Variants in ETFB observed in about 807,000 individuals in gnomAD.
ETFB encodes the protein electron transfer flavoprotein subunit beta.
Under a neutral mutation model 25.6 loss-of-function variants are expected in ETFB, and 20 were observed. That is an observed-to-expected ratio of 0.78 (90% CI 0.55 to 1.14). The LOEUF is 1.14. Ranked by LOEUF, ETFB falls within the 50% of genes most tolerant of loss-of-function variation. The probability of loss-of-function intolerance (pLI) is 0.00; values close to 1 mark genes in which losing one functional copy is unlikely to be tolerated. For missense variants in ETFB, 286 were observed against 342.6 expected (o/e 0.83, Z 1.30); for synonymous variants, 142 against 146.7 (o/e 0.97, Z 0.23).
chr19:51,360,536 C>A (rs1002370930), intron 1 of ETFB, among the ~76,000 whole-genome samples: 2 of 152,110 alleles, frequency 1.3e-5, no homozygotes, highest in African/African-American at 4.8e-5. Context: ...ACTGCCATTA[C>A]CTCTCATTTT....
intron 1 of ETFB, chr19:51,354,751 G>A: frequency 1.6e-6 from 2 of 1,266,660 alleles, no homozygotes; most frequent in Non-Finnish European, 2.2e-6. Flanking sequence ...GTCCTCAGAG[G>A]AGCAGCCTGC....
rs1170908973 is a variant in ETFB, at chr19:51,345,224, A to G, written c.755T>C (p.Ile252Thr). The G allele has an allele frequency of 1.2e-6, 2 of 1,614,066 alleles. No homozygotes were observed. Among genetic ancestry groups the G allele is most frequent in the African/African-American group, 1.3e-5 (1 of 74,918 alleles). Residue 252 changes from isoleucine (I) to threonine (T), a missense_variant, in exon 6 of 6, where the codon ATT (isoleucine) becomes ACT (threonine). By Grantham distance (89) the Ile-to-Thr change is moderately conservative (BLOSUM62 -1). Coordinates refer to ENST00000309244, the MANE Select transcript of ETFB (RefSeq NM_001985.3). ...TEDLVAKLKEIGRI is the reference protein window; with the variant it reads ...TEDLVAKLKETGRI ...TCTGGGAGGGGCTCAAATCCGCCCA[A>G]TCTCCTTCAGCTTGGCCACCAGGTC...
intron 4 of ETFB, chr19:51,347,825 GCA>G (rs1332297465): frequency 6.6e-6 from 1 of 152,242 alleles, no homozygotes; most frequent in Non-Finnish European, 1.5e-5. Context: ...GACCAGTGAA[GCA>G]CCAGCTTGGG....
chr19:51,350,866 T>C (rs987276579), intron 3 of ETFB, among the ~76,000 whole-genome samples: 5 of 152,228 alleles, frequency 3.3e-5, no homozygotes, highest in African/African-American at 7.2e-5. Context: ...AGCGCTGCTG[T>C]TGTAGCACAC....
In ETFB at chr19:51,345,273, C is replaced by T. The variant is rs375326450; in HGVS notation, c.706G>A (p.Gly236Ser). Residue 236 changes from glycine (G) to serine (S), a missense_variant, in exon 6 of 6, where the codon GGC (glycine) becomes AGC (serine). Coordinates refer to ENST00000309244, the MANE Select transcript of ETFB (RefSeq NM_001985.3). ...SVEDPPQRTA[G>S]VKVETTEDLV... The stretch of plus-strand genomic sequence containing the variant: ...TCCTCAGTGGTCTCCACCTTGACGC[C>T]GGCCGTGCGCTGGGGCGGGTCCTCC... The T allele has an allele frequency of 2.9e-5, 47 of 1,614,072 alleles. No homozygotes were observed. The South Asian group carries it at 3.8e-4, about 13-fold the overall frequency.
rs963778750 is a variant in ETFB, at chr19:51,350,186, A to C, written c.438+143T>G. On this transcript the variant is annotated intron_variant, in intron 4 of 5. Transcript: ENST00000309244. ...TGATACCTCAGCAGAGACCTCAAGG[A>C]GGGGAACAAGAAAGCCATGAGGCAA... 5.1e-5 allele frequency: 45 copies of C among 887,788 alleles called. No homozygotes were observed. The African/African-American group carries it at 7.2e-4, about 14-fold the overall frequency. 55.0% of individuals were successfully genotyped at this position (887,788 alleles called of 1,614,324 possible).
intron 1 of ETFB, among the ~76,000 whole-genome samples, chr19:51,359,685 T>C (rs1283617563): frequency 6.6e-6 from 1 of 152,232 alleles, no homozygotes; most frequent in Non-Finnish European, 1.5e-5. Context: ...TTTAGTTATA[T>C]TACATAAGTC....
chr19:51,352,676 G>A (rs916457669), intron 3 of ETFB, among the ~76,000 whole-genome samples: 3 of 150,720 alleles, frequency 2.0e-5, no homozygotes, highest in Non-Finnish European at 4.5e-5. Flanking sequence ...AGTGGTGCCT[G>A]GAGTGCAGTG....
intron 1 of ETFB, among the ~76,000 whole-genome samples, chr19:51,358,877 T>C (rs145911599): frequency 0.023 from 3,514 of 150,404 alleles, 132 homozygotes; most frequent in African/African-American, 0.079. Context: ...CACACACCTG[T>C]AGTCCCAGCT....
rs1242511631 is a variant in ETFB, at chr19:51,345,247, G to A, written c.732C>T (p.Asp244=). The A allele has an allele frequency of 1.1e-5, 18 of 1,614,198 alleles. No homozygotes were observed. The highest frequency in any genetic ancestry group is 1.5e-5 in the Non-Finnish European group (18 of 1,180,030). The change falls in exon 6 of 6, where the codon GAC becomes GAT. Residue 244 remains aspartate, a synonymous_variant. Transcript: ENST00000309244. ...CAATCTCCTTCAGCTTGGCCACCAG[G>A]TCCTCAGTGGTCTCCACCTTGACGC... ...TAGVKVETTE[D]LVAKLKEIGR...
Position 51,347,020 on chromosome 19 carries a change from C to T in ETFB, c.477G>A (p.Lys159=), listed in dbSNP as rs1363862392. Reference sequence around the variant, plus strand: ...CATCGATCTCCCGCTCCACTTTCAACTTGTCCCCCTCCAGCGTCACCTGGG... The same window carrying T: ...CATCGATCTCCCGCTCCACTTTCAATTTGTCCCCCTCCAGCGTCACCTGGG... ...FASQVTLEGD[K]LKVEREIDGG... is the part of the protein sequence containing the mutation. Residue 159 remains lysine, a synonymous_variant, in exon 5 of 6, where the codon AAG becomes AAA. Coordinates refer to ENST00000309244, the MANE Select transcript of ETFB (RefSeq NM_001985.3). 1 of 1,613,590 alleles carries T rather than the reference C, an allele frequency of 6.2e-7. No individual in the cohort carries two copies. The highest frequency in any genetic ancestry group is 2.2e-5 in the East Asian group (1 of 44,852).
intron 1 of ETFB, chr19:51,356,088 A>G (rs1416762219): frequency 6.6e-6 from 1 of 152,000 alleles, no homozygotes; most frequent in Non-Finnish European, 1.5e-5. Context: ...AACTTAAAGT[A>G]TAATAATAAA....
intron 1 of ETFB, among the ~76,000 whole-genome samples, chr19:51,363,820 G>A (rs1986287207): frequency 1.3e-5 from 2 of 152,178 alleles, no homozygotes; most frequent in Non-Finnish European, 2.9e-5. Flanking sequence ...GCAGAGGTAG[G>A]AGGGTGGTGC....
chr19:51,363,701 A>G (rs1968241), intron 1 of ETFB, among the ~76,000 whole-genome samples: 122,685 of 152,004 alleles, frequency 0.81, 50,463 homozygotes, highest in African/African-American at 0.85. Context: ...CACTCGCCTC[A>G]GCCTCACAAA....
chr19:51,356,360 A>G (rs1195271875), intron 1 of ETFB: 1 of 152,134 alleles, frequency 6.6e-6, no homozygotes, highest in African/African-American at 2.4e-5. Flanking sequence ...TCAGTGACCA[A>G]TACTGACCCT....
chr19:51,359,577 C>G (rs1223000790), intron 1 of ETFB, among the ~76,000 whole-genome samples: 1 of 150,342 alleles, frequency 6.7e-6, no homozygotes, highest in East Asian at 1.9e-4. Context: ...TAAGAACTTT[C>G]CAGACACACA....
rs1030711906 is a variant in ETFB at position 51,353,188 on chromosome 19, C to T, written c.319G>A (p.Val107Ile). 1 of 1,614,152 alleles carries T rather than the reference C, an allele frequency of 6.2e-7. No individual in the cohort carries two copies. Reference sequence around the variant, plus strand: ...TCCTTCTCTGCCAGCTTGGCCAGGACCCGAGCCACCTGCAGGGGACCCAAG... The same window carrying T: ...TCCTTCTCTGCCAGCTTGGCCAGGATCCGAGCCACCTGCAGGGGACCCAAG... ...ERLGPLQVAR[V>I]LAKLAEKEKV... The change falls in exon 3 of 6, where the codon GTC becomes ATC. Residue 107 changes from valine to isoleucine, a missense_variant. Physicochemically the swap from Val to Ile is conservative, Grantham distance 29 (BLOSUM62 3). Transcript: ENST00000309244.
chr19:51,354,857 C>T (rs1986038225), intron 1 of ETFB: 2 of 541,090 alleles, frequency 3.7e-6, no homozygotes, highest in Admixed American at 3.1e-5. Context: ...GACTGACAGG[C>T]TCCCAGGAAA....
At chr19:51,363,958 T>C (rs916933472) in intron 1 of ETFB, among the ~76,000 whole-genome samples, 2 of 151,848 alleles carry the variant, frequency 1.3e-5, no homozygotes, top group African/African-American at 4.8e-5. Context: ...AAGCAGACCA[T>C]GAAGAGGAGG....
Sources: gnomAD v4.1 joint callset for allele counts (sites outside exome capture counted in the v4.1 genomes callset) on GRCh38, gnomAD v4.1.1 for gene constraint, MANE v1.5 for transcripts, NCBI Gene and HGNC (gene_info 2026-07-23, HGNC 2026-07-21) for gene names.